Variants in DNMT3A observed in about 807,000 individuals in gnomAD.
DNMT3A encodes the protein DNA methyltransferase 3 alpha, also known as DNA (cytosine-5)-methyltransferase 3A.
In DNMT3A, 267 loss-of-function variants were observed where a neutral mutation model predicts 117.6. That is an observed-to-expected ratio of 2.27 (90% CI 2.05 to 2.51). DNMT3A has a LOEUF of 2.51. DNMT3A is among the 30% of genes most tolerant of loss of function. The pLI, the probability that DNMT3A is intolerant of heterozygous loss-of-function variation, is 0.00. For missense variants in DNMT3A, 1,029 were observed against 1,260.2 expected (o/e 0.82, Z 2.78); for synonymous variants, 432 against 474.8 (o/e 0.91, Z 1.17).
rs2149405210 is a variant in DNMT3A at position 25,300,191 on chromosome 2, C to T, written c.125G>A (p.Ser42Asn). The T allele has an allele frequency of 6.2e-7, 1 of 1,612,686 alleles. No homozygotes were observed. The highest frequency in any genetic ancestry group is 1.3e-5 in the African/African-American group (1 of 75,040). The change falls in exon 3 of 23, where the codon AGC (serine) becomes AAC (asparagine). Residue 42 changes from serine (S) to asparagine (N), a missense_variant. Physicochemically the swap from Ser to Asn is conservative, Grantham distance 46. Transcript: ENST00000321117. ...CCGCCCCACCTTCCGTGCCGTGGTG[C>T]TGGGCTCTTGGCGCTCCTCCTTGCC... ...PRGKEERQEPSTTARKVGRPG... is the reference protein window; with the variant it reads ...PRGKEERQEPNTTARKVGRPG...
rs537843214 is a variant in DNMT3A, at chr2:25,286,545, T to C, written c.178-3834A>G. Among the ~76,000 whole-genome samples, 3 of 152,258 alleles carry C rather than the reference T, an allele frequency of 2.0e-5. No individual in the cohort carries two copies. Among genetic ancestry groups the C allele is most frequent in the African/African-American group, 4.8e-5 (2 of 41,556 alleles). On this transcript the variant is annotated intron_variant, in intron 3 of 22. Coordinates refer to ENST00000321117, the MANE Select transcript of DNMT3A (RefSeq NM_022552.5). This position sits in a 1 kb window ranked among gnomAD's most constrained non-coding sequence, Gnocchi z 4.3. ...GATGATTCAGCCAAAGTTCTGGGAT[T>C]TGGGGGGGAGGGCAATGACTTCTGC...
rs369430202 is a variant in DNMT3A at position 25,267,800 on chromosome 2, G to C, written c.639+7141C>G. On this transcript the variant is annotated intron_variant, in intron 6 of 22. Transcript: ENST00000321117. The stretch of plus-strand genomic sequence containing the variant: ...CCTGCACCTCCCACATGCCAGCCCT[G>C]GGGGCAGGGGGTGCCCAGAATGCCT... Among the ~76,000 whole-genome samples the C allele has an allele frequency of 4.6e-5, 7 of 152,332 alleles. No individual in the cohort carries two copies. The South Asian group carries it at 1.4e-3, about 32-fold the overall frequency.
chr2:25,281,455 G>A lies in DNMT3A; in HGVS notation c.448+986C>T. 9.6e-7 allele frequency: 1 copy of A among 1,045,458 alleles called. No homozygotes were observed. Among genetic ancestry groups the A allele is most frequent in the African/African-American group, 1.7e-5 (1 of 60,000 alleles). The allele number at this position is 1,045,458 out of a possible 1,614,324, so 64.8% of individuals were successfully genotyped here. A position where few individuals can be genotyped will look rare whatever the true frequency, so the allele number is the denominator to read the frequency against. ...TAAATGAATAAAAGCTTCTTAATAA[G>A]TTTGGAAATTTGTATTCTGGAAATG... On this transcript the variant is annotated intron_variant, in intron 4 of 22. Transcript: ENST00000321117. This position sits in a 1 kb window ranked among gnomAD's most constrained non-coding sequence, Gnocchi z 4.8.
At chr2:25,338,016 T>C (rs1437022052) in intron 1 of DNMT3A, among the ~76,000 whole-genome samples, 2 of 152,162 alleles carry the variant, frequency 1.3e-5, no homozygotes, top group Non-Finnish European at 2.9e-5. Flanking sequence ...GGGTAGATGC[T>C]CTGGCCCTAC....
chr2:25,251,996 G>A, intron 6 of DNMT3A: 1 of 631,232 alleles, frequency 1.6e-6, no homozygotes, highest in Non-Finnish European at 2.5e-6. Flanking sequence ...TGGGGCCTTG[G>A]GGCTCGTGGG....
chr2:25,323,776 C>T (rs1284625598), intron 1 of DNMT3A, among the ~76,000 whole-genome samples: 1 of 152,126 alleles, frequency 6.6e-6, no homozygotes, highest in African/African-American at 2.4e-5. Context: ...CATGCCAGGC[C>T]CCGTGAGCAG....
rs376550450 is a variant in DNMT3A at position 25,243,928 on chromosome 2, C to T, written c.1906G>A (p.Val636Met). 1.1e-5 allele frequency: 17 copies of T among 1,552,038 alleles called. No homozygotes were observed. Among genetic ancestry groups the T allele is most frequent in the Admixed American group, 2.0e-5 (1 of 50,994 alleles). Residue 636 changes from valine (V) to methionine (M), a missense_variant, in exon 16 of 23, where the codon GTG becomes ATG. By Grantham distance (21) the Val-to-Met change is conservative. Transcript: ENST00000321117. ...GCGATTCCATCAAAGAGAGACAGCACCCGGATGGGCTTCCTCTTCTCAGCT... is the reference window on the plus strand; with the variant it reads ...GCGATTCCATCAAAGAGAGACAGCATCCGGATGGGCTTCCTCTTCTCAGCT... Reference protein sequence around the residue: ...VPAEKRKPIRVLSLFDGIATG... With the variant: ...VPAEKRKPIRMLSLFDGIATG...
chr2:25,280,307 C>G (rs1337216790), intron 4 of DNMT3A, among the ~76,000 whole-genome samples: 1 of 135,512 alleles, frequency 7.4e-6, no homozygotes, highest in Non-Finnish European at 1.6e-5. Context: ...GCCTCCCCAC[C>G]CCCCGCCTCC....
At chr2:25,266,513 G>A (rs1278531090) in intron 6 of DNMT3A, among the ~76,000 whole-genome samples, 1 of 152,102 alleles carries the variant, frequency 6.6e-6, no homozygotes, top group Non-Finnish European at 1.5e-5. Context: ...TACTTAGTAG[G>A]TGCTGAGTGA....
At chr2:25,336,872 C>T (rs2149452634) in intron 1 of DNMT3A, among the ~76,000 whole-genome samples, 1 of 152,316 alleles carries the variant, frequency 6.6e-6, no homozygotes, top group Non-Finnish European at 1.5e-5. Context: ...TGAGATGCCA[C>T]CTCCTTCAAG....
At chr2:25,317,046 C>T (rs558414925) in intron 1 of DNMT3A, among the ~76,000 whole-genome samples, 1 of 152,136 alleles carries the variant, frequency 6.6e-6, no homozygotes, top group African/African-American at 2.4e-5. Context: ...AAACTCAATG[C>T]AATAGAAACA....
In DNMT3A at chr2:25,252,611, A is replaced by C. The variant is rs1675722376; in HGVS notation, c.640-4359T>G. Among the ~76,000 whole-genome samples the C allele has an allele frequency of 1.4e-5, 2 of 145,056 alleles. No homozygotes were observed. Among genetic ancestry groups the C allele is most frequent in the Non-Finnish European group, 1.5e-5 (1 of 65,832 alleles). On this transcript the variant is annotated intron_variant, in intron 6 of 22. Coordinates refer to ENST00000321117, the MANE Select transcript of DNMT3A (RefSeq NM_022552.5). The surrounding 1 kb of genome is among the most constrained non-coding windows in gnomAD (Gnocchi z 5.5). ...CCCTCCCCCAGCTCTGGAAGAGATT[A>C]GCGCGGGGCCGGGGGGCCGGGAGGG...
chr2:25,341,279 G>C (rs2035433328), intron 1 of DNMT3A, among the ~76,000 whole-genome samples: 1 of 144,186 alleles, frequency 6.9e-6, no homozygotes, highest in African/African-American at 2.5e-5. Context: ...CGGAGCCTGC[G>C]CGGGGCCCGG....
chr2:25,273,855 A>T (rs1261325160), intron 6 of DNMT3A, among the ~76,000 whole-genome samples: 1 of 152,176 alleles, frequency 6.6e-6, no homozygotes, highest in Non-Finnish European at 1.5e-5. Flanking sequence ...GCTTCCCCAG[A>T]CACCGCTCTG....
At chr2:25,308,440 T>C (rs1310968512) in intron 2 of DNMT3A, among the ~76,000 whole-genome samples, 1 of 151,966 alleles carries the variant, frequency 6.6e-6, no homozygotes, top group African/African-American at 2.4e-5. Flanking sequence ...ACATTTGACA[T>C]GTAATAATGT....
intron 16 of DNMT3A, 88 bp from the exon 17 acceptor site, chr2:25,241,795 C>T: frequency 6.5e-7 from 1 of 1,537,948 alleles, no homozygotes; most frequent in African/African-American, 1.4e-5. Flanking sequence ...CCAACAGGAC[C>T]CATGGGGTCA....
At chr2:25,251,459 G>T (rs1056508430) in intron 6 of DNMT3A, among the ~76,000 whole-genome samples, 1 of 152,192 alleles carries the variant, frequency 6.6e-6, no homozygotes, top group East Asian at 1.9e-4. Context: ...CCTGGAGTCC[G>T]TCCAGACTGG....
chr2:25,285,875 T>C (rs1182599977), intron 3 of DNMT3A, among the ~76,000 whole-genome samples: 1 of 152,202 alleles, frequency 6.6e-6, no homozygotes, highest in East Asian at 1.9e-4. Flanking sequence ...AGTGTACCCC[T>C]GCACTGCAGC....
chr2:25,312,775 C>G (rs1370379190), intron 2 of DNMT3A, among the ~76,000 whole-genome samples: 18 of 152,194 alleles, frequency 1.2e-4, no homozygotes, highest in Admixed American at 1.2e-3. Context: ...GCTGAGCACG[C>G]AAGAGGGAGG....
Sources: gnomAD v4.1 joint callset for allele counts (sites outside exome capture counted in the v4.1 genomes callset) on GRCh38, gnomAD v4.1.1 for gene constraint, Gnocchi (gnomAD v3.1) non-coding constraint, MANE v1.5 for transcripts, NCBI Gene and HGNC (gene_info 2026-07-23, HGNC 2026-07-21) for gene names.